LRRC69: variants seen among roughly 807,000 people sequenced by gnomAD.
LRRC69 encodes leucine-rich repeat-containing protein 69.
LRRC69 carries 42 observed loss-of-function variants against 37.8 expected under a neutral mutation model. The observed-to-expected ratio is 1.11, with a 90% CI of 0.87 to 1.44. The LOEUF is 1.44. Among genes scored for constraint, LRRC69 ranks in the 40% most tolerant of loss-of-function variants. The pLI is 0.00. For missense variants in LRRC69, 357 were observed against 401.9 expected, an observed-to-expected ratio of 0.89 and a Z score of 0.96; for synonymous variants, 141 against 143.1, an observed-to-expected ratio of 0.99 and a Z score of 0.11.
rs550939400 is a variant in LRRC69 at position 91,186,451 on chromosome 8, GTC to G, written c.652-3070_652-3069del. ...GATGAGTTAAAAGGGTATGGCATGAGTCATAACTGTGAGATAAGATACAGGCC... is the reference window on the plus strand; with the variant it reads ...GATGAGTTAAAAGGGTATGGCATGAGATAACTGTGAGATAAGATACAGGCC... On this transcript the variant is annotated intron_variant, in intron 5 of 7. Coordinates refer to ENST00000448384, the Ensembl canonical transcript of LRRC69. Among the ~76,000 whole-genome samples the G allele has an allele frequency of 5.6e-3, 855 of 152,254 alleles. 4 individuals are homozygous for G. The highest frequency in any genetic ancestry group is 9.3e-3 in the Non-Finnish European group (633 of 68,022).
intron 5 of LRRC69, among the ~76,000 whole-genome samples, chr8:91,188,892 C>A (rs1417219143): frequency 2.0e-5 from 3 of 150,466 alleles, no homozygotes; most frequent in Non-Finnish European, 2.9e-5. Flanking sequence ...GTGGCACAAT[C>A]TCGGCTCAGT....
Position 91,191,050 on chromosome 8 carries a change from C to A in LRRC69, c.753+1427C>A, listed in dbSNP as rs796307239. ...CAGGATCCTGTCTCAAACCCCCCCC[C>A]CCCCAAGTCAAAAAGCAACAACAAC... On this transcript the variant is annotated intron_variant, in intron 6 of 7. Transcript: ENST00000448384. Among the ~76,000 whole-genome samples, 101 of 143,058 alleles carry A rather than the reference C, an allele frequency of 7.1e-4. 3 individuals carry two copies. The highest frequency in any genetic ancestry group is 7.2e-3 in the Middle Eastern group (2 of 278). The allele number at this position is 143,058 out of a possible 152,430, so 93.9% of individuals were successfully genotyped here. A position where few individuals can be genotyped will look rare whatever the true frequency, so the allele number is the denominator to read the frequency against.
chr8:91,212,214 T>G (rs1489683667), intron 7 of LRRC69, among the ~76,000 whole-genome samples: 1 of 152,192 alleles, frequency 6.6e-6, no homozygotes, highest in Non-Finnish European at 1.5e-5. Flanking sequence ...TTGTCTGTAT[T>G]TGAACAATGA....
chr8:91,137,902 C>G (rs752112867), intron 5 of LRRC69, among the ~76,000 whole-genome samples: 2 of 151,948 alleles, frequency 1.3e-5, no homozygotes, highest in Non-Finnish European at 2.9e-5. Flanking sequence ...AGAGAACATT[C>G]AAAACAAGCC....
chr8:91,204,735 G>T, intron 7 of LRRC69, among the ~76,000 whole-genome samples: 1 of 152,182 alleles, frequency 6.6e-6, no homozygotes, highest in East Asian at 1.9e-4. Flanking sequence ...TGTTTCATAA[G>T]CTTACATTTC....
At chr8:91,166,865 C>T (rs1244615943) in intron 5 of LRRC69, among the ~76,000 whole-genome samples, 3 of 151,852 alleles carry the variant, frequency 2.0e-5, no homozygotes, top group Admixed American at 1.3e-4. Flanking sequence ...GCCAACCAAA[C>T]GCTGTTATTT....
At chr8:91,204,975 C>T (rs1355154651) in intron 7 of LRRC69, among the ~76,000 whole-genome samples, 3 of 152,000 alleles carry the variant, frequency 2.0e-5, no homozygotes, top group South Asian at 2.1e-4. Flanking sequence ...CTAGAGTTGC[C>T]GATTTTTAAT....
At chr8:91,102,796 G>C (rs184700520) in exon 1 of LRRC69, 1 of 1,551,700 alleles carries the variant, frequency 6.4e-7, no homozygotes, top group Admixed American at 2.0e-5. Flanking sequence ...TAGTCCTTCA[G>C]AATAACCTAA....
At position 91,123,001 on chromosome 8, in the gene LRRC69, G is replaced by A. The variant is rs570246725; in HGVS notation, c.184-1492G>A. ...AATTATGAGGTTTTTAAATGTGGAA[G>A]AGTCAGCATTAGTGTGATATGATTT... On this transcript the variant is annotated intron_variant, in intron 1 of 7. Coordinates refer to ENST00000448384, the Ensembl canonical transcript of LRRC69. 9.9e-5 allele frequency among the ~76,000 whole-genome samples: 15 copies of A among 152,222 alleles called. No homozygotes were observed. In the South Asian group the frequency reaches 1.7e-3, roughly 17 times the overall value.
intron 5 of LRRC69, among the ~76,000 whole-genome samples, chr8:91,139,632 TG>T (rs1808497994): frequency 6.6e-6 from 1 of 151,588 alleles, no homozygotes; most frequent in African/African-American, 2.4e-5. Flanking sequence ...CACTCCAGCC[TG>T]GGCGACAGAG....
chr8:91,184,240 C>G lies in LRRC69; in HGVS notation c.652-5282C>G, dbSNP rs951878071. Among the ~76,000 whole-genome samples, 17 of 152,282 alleles carry G rather than the reference C, an allele frequency of 1.1e-4. 1 individual carries two copies. The South Asian group carries it at 1.7e-3, about 15-fold the overall frequency. On this transcript the variant is annotated intron_variant, in intron 5 of 7. Coordinates refer to ENST00000448384, the Ensembl canonical transcript of LRRC69. ...GCTACAGTGAGCTGAGATCGTACCA[C>G]TGCACTCCAGCCTGGGTGACAGAGT...
chr8:91,102,901 G>T, intron 1 of LRRC69, 57 bp downstream of exon 1: 1 of 1,440,546 alleles, frequency 6.9e-7, no homozygotes, highest in Non-Finnish European at 9.3e-7. Context: ...AACAGGAAGA[G>T]AGAAAAAAGG....
intron 6 of LRRC69, among the ~76,000 whole-genome samples, chr8:91,191,112 T>A (rs1371844965): frequency 2.7e-5 from 4 of 147,360 alleles, no homozygotes; most frequent in African/African-American, 7.5e-5. Flanking sequence ...TCATAGTACA[T>A]TTTTAGTTCC....
chr8:91,157,976 G>A (rs572345974), intron 5 of LRRC69: 3 of 1,384,348 alleles, frequency 2.2e-6, no homozygotes, highest in African/African-American at 2.9e-5. Flanking sequence ...AAAAGCTGAA[G>A]AAGAACATCT....
At chr8:91,131,502 C>G (rs889732413) in intron 3 of LRRC69, among the ~76,000 whole-genome samples, 1 of 151,884 alleles carries the variant, frequency 6.6e-6, no homozygotes, top group Non-Finnish European at 1.5e-5. Context: ...TATAATATAT[C>G]TCTACTTTTA....
At chr8:91,178,574 G>C (rs955011729) in intron 5 of LRRC69, among the ~76,000 whole-genome samples, 2 of 152,134 alleles carry the variant, frequency 1.3e-5, no homozygotes, top group African/African-American at 4.8e-5. Context: ...GACAACATTA[G>C]GCTGGTGCTC....
chr8:91,154,766 C>T (rs1031151121), intron 5 of LRRC69, among the ~76,000 whole-genome samples: 1 of 151,696 alleles, frequency 6.6e-6, no homozygotes, highest in African/African-American at 2.4e-5. Flanking sequence ...CAGCCAATAT[C>T]ACATGGAATG....
At chr8:91,213,906 T>C (rs1279534271) in intron 7 of LRRC69, among the ~76,000 whole-genome samples, 1 of 152,032 alleles carries the variant, frequency 6.6e-6, no homozygotes, top group East Asian at 1.9e-4. Context: ...AAAGTTGAGG[T>C]CACATGCCAT....
rs1160082783 is a variant in LRRC69 at position 91,140,569 on chromosome 8, C to T, written c.651+4830C>T. ...GTATACTGCATAAAGAAATACGTGT[C>T]TTGCTTTGTCATTTTCATTTAACAT... On this transcript the variant is annotated intron_variant, in intron 5 of 7. Transcript: ENST00000448384. Among the ~76,000 whole-genome samples, 3 of 148,800 alleles carry T rather than the reference C, an allele frequency of 2.0e-5. No individual in the cohort carries two copies. The East Asian group carries it at 6.0e-4, about 30-fold the overall frequency.
Sources: allele counts gnomAD v4.1 joint callset (sites outside exome capture counted in the v4.1 genomes callset), GRCh38; gene constraint gnomAD v4.1.1; transcripts MANE v1.5; gene names NCBI Gene and HGNC (gene_info 2026-07-23, HGNC 2026-07-21).